TCF4: variants seen among roughly 807,000 people sequenced by gnomAD.
TCF4 encodes the protein transcription factor 4, also known as SL3-3 enhancer factor 2.
A neutral mutation model predicts 82.1 loss-of-function variants in TCF4; 3 were observed. The observed-to-expected ratio is 0.04, with a 90% CI of 0.02 to 0.09. The LOEUF is 0.09. Among genes scored for constraint, TCF4 ranks in the 10% least tolerant of loss-of-function variants. TCF4 has a pLI of 1.00. For synonymous variants in TCF4, 276 were observed against 309.6 expected (o/e 0.89, Z 1.14); for missense variants, 518 against 852.7 (o/e 0.61, Z 4.89).
intron 15 of TCF4, among the ~76,000 whole-genome samples, chr18:55,248,336 G>T (rs1942265): frequency 6.6e-6 from 1 of 152,072 alleles, no homozygotes; most frequent in Non-Finnish European, 1.5e-5. Flanking sequence ...CTGAAATTCT[G>T]TAACAGGCTA....
chr18:55,309,594 G>A (rs2071618998), intron 8 of TCF4, among the ~76,000 whole-genome samples: 1 of 152,148 alleles, frequency 6.6e-6, no homozygotes, highest in Non-Finnish European at 1.5e-5. Flanking sequence ...GCTTACAACT[G>A]TATTTTACTG....
At chr18:55,314,688 A>G (rs540929719) in intron 8 of TCF4, among the ~76,000 whole-genome samples, 6 of 151,912 alleles carry the variant, frequency 3.9e-5, no homozygotes, top group African/African-American at 1.4e-4. Context: ...GGAGCATTTT[A>G]AAATGGTAAC....
chr18:55,370,157 C>T (rs112048489), intron 6 of TCF4, among the ~76,000 whole-genome samples: 8,629 of 152,212 alleles, frequency 0.057, 380 homozygotes, highest in African/African-American at 0.12. Context: ...CGGCACTTTG[C>T]GGGGCTGAGG....
At chr18:55,586,203 G>C (rs529440244) in intron 2 of TCF4, 9 of 727,724 alleles carry the variant, frequency 1.2e-5, no homozygotes, top group Admixed American at 4.2e-5. Context: ...AGCAGCAGCA[G>C]CAGCAGCAGC....
At position 55,486,801 on chromosome 18, in the gene TCF4, T is replaced by A. The variant is rs187306627; in HGVS notation, c.146-22664A>T. Among the ~76,000 whole-genome samples, 25 of 152,248 alleles carry A rather than the reference T, an allele frequency of 1.6e-4. No homozygotes were observed. In the East Asian group the frequency reaches 4.5e-3, roughly 27 times the overall value. ...GTGAGTCTAACAAAGTCATGAAAGGTAAGAAGATCTGGGACTTCTCCATAG... is the reference window on the plus strand; with the variant it reads ...GTGAGTCTAACAAAGTCATGAAAGGAAAGAAGATCTGGGACTTCTCCATAG... On this transcript the variant is annotated intron_variant, in intron 3 of 19. Coordinates refer to ENST00000354452, the MANE Select transcript of TCF4 (RefSeq NM_001083962.2).
chr18:55,261,263 T>G, intron 12 of TCF4: 1 of 651,944 alleles, frequency 1.5e-6, no homozygotes, highest in Non-Finnish European at 2.7e-6. Flanking sequence ...TTAGTACCAT[T>G]TTGAGGATGA....
upstream of TCF4, chr18:55,588,605 C>T (rs2097675225): frequency 1.2e-5 from 18 of 1,502,860 alleles, no homozygotes; most frequent in Non-Finnish European, 1.4e-5. Context: ...TACTCTCGTT[C>T]CCTCTCACTC....
intron 8 of TCF4, among the ~76,000 whole-genome samples, chr18:55,298,879 G>A (rs2067283104): frequency 6.6e-6 from 1 of 152,128 alleles, no homozygotes; most frequent in Non-Finnish European, 1.5e-5. Context: ...AAAAAAAACT[G>A]TAGCCTCATG....
intron 3 of TCF4, among the ~76,000 whole-genome samples, chr18:55,522,601 T>A (rs2096941963): frequency 6.6e-6 from 1 of 152,038 alleles, no homozygotes; most frequent in Non-Finnish European, 1.5e-5. Context: ...AAAATTTGCA[T>A]AAAATTGTAG....
chr18:55,456,631 A>G (rs1253326896), intron 5 of TCF4, among the ~76,000 whole-genome samples: 2 of 152,224 alleles, frequency 1.3e-5, no homozygotes, highest in African/African-American at 2.4e-5. Flanking sequence ...GCTAGAAAAT[A>G]TATTGTCTAC....
chr18:55,249,603 T>C (rs1035172344), intron 15 of TCF4, among the ~76,000 whole-genome samples: 6 of 152,236 alleles, frequency 3.9e-5, no homozygotes, highest in African/African-American at 1.4e-4. Flanking sequence ...GGGAGCAATC[T>C]GCTTAAGTAC....
intron 4 of TCF4, among the ~76,000 whole-genome samples, chr18:55,463,625 G>T (rs2095922649): frequency 6.6e-6 from 1 of 152,162 alleles, no homozygotes; most frequent in South Asian, 2.1e-4. Flanking sequence ...ATACTGGTAG[G>T]ATAGAACTTC....
At chr18:55,458,233 A>G (rs1193282371) in intron 5 of TCF4, among the ~76,000 whole-genome samples, 1 of 152,230 alleles carries the variant, frequency 6.6e-6, no homozygotes, top group Non-Finnish European at 1.5e-5. Flanking sequence ...TATAGCTTTT[A>G]CCCTGATGCG....
At chr18:55,586,083 T>C in intron 2 of TCF4, 1 of 1,425,368 alleles carries the variant, frequency 7.0e-7, no homozygotes, top group Non-Finnish European at 9.3e-7. Flanking sequence ...TGGCAAAACT[T>C]CCGAAAGCCA....
chr18:55,364,466 T>C (rs996645471), intron 6 of TCF4, among the ~76,000 whole-genome samples: 1 of 152,250 alleles, frequency 6.6e-6, no homozygotes, highest in Admixed American at 6.5e-5. Flanking sequence ...CAAATCATGA[T>C]GTTCATCAGA....
intron 6 of TCF4, among the ~76,000 whole-genome samples, chr18:55,368,313 G>GGA (rs1367517167): frequency 6.6e-6 from 1 of 152,140 alleles, no homozygotes; most frequent in Non-Finnish European, 1.5e-5. Context: ...CCCAGGAGGC[G>GGA]GAGGTTGCAG....
intron 2 of TCF4, among the ~76,000 whole-genome samples, chr18:55,607,995 G>GCA (rs1471265166): frequency 6.6e-6 from 1 of 152,162 alleles, no homozygotes; most frequent in African/African-American, 2.4e-5. Context: ...CCCTGCTAAT[G>GCA]CTGATAAAAA....
At chr18:55,363,260 GA>G (rs957253446) in intron 6 of TCF4, among the ~76,000 whole-genome samples, 10 of 150,516 alleles carry the variant, frequency 6.6e-5, no homozygotes, top group African/African-American at 2.2e-4. Context: ...GGCTGTCATT[GA>G]AAAAAAAATC....
intron 3 of TCF4, among the ~76,000 whole-genome samples, chr18:55,513,423 G>A (rs1289925772): frequency 7.4e-6 from 1 of 135,044 alleles, no homozygotes; most frequent in East Asian, 2.3e-4. Context: ...GTCTAATTTT[G>A]CAACACTTTA....
Sources: allele counts gnomAD v4.1 joint callset (sites outside exome capture counted in the v4.1 genomes callset), GRCh38; gene constraint gnomAD v4.1.1; transcripts MANE v1.5; gene names NCBI Gene and HGNC (gene_info 2026-07-23, HGNC 2026-07-21).